The following SULT6B1 variants were observed in gnomAD, a reference collection of about 807,000 sequenced individuals.
SULT6B1 encodes sulfotransferase 6B1.
SULT6B1 carries 44 observed loss-of-function variants against 37.2 expected under a neutral mutation model. That is an observed-to-expected ratio of 1.18 (90% CI 0.93 to 1.52). The LOEUF (loss-of-function observed/expected upper bound fraction) is 1.52, where lower values mean the gene tolerates loss of function less well. SULT6B1 is among the 40% of genes most tolerant of loss of function. SULT6B1 has a pLI of 0.00. For missense variants in SULT6B1, 450 were observed against 361.0 expected (o/e 1.25, Z -2.00); for synonymous variants, 140 against 126.0 (o/e 1.11, Z -0.74).
At chr2:37,192,325 G>A (rs1479001165), upstream of SULT6B1, among the ~76,000 whole-genome samples, 1 of 152,186 alleles carries the variant, frequency 6.6e-6, no homozygotes, top group Non-Finnish European at 1.5e-5. Flanking sequence ...GTGGATGTGT[G>A]TCAGTACTTT....
In SULT6B1 at chr2:37,179,557, C is replaced by G. The variant is rs746292189; in HGVS notation, c.430G>C (p.Asp144His). The G allele has an allele frequency of 6.2e-6, 10 of 1,612,834 alleles. No individual in the cohort carries two copies. Among genetic ancestry groups the G allele is most frequent in the Non-Finnish European group, 8.5e-6 (10 of 1,179,802 alleles). The change falls in exon 4 of 7, where the codon GAT becomes CAT. Residue 144 changes from aspartate to histidine, a missense_variant. Asp to His is a moderately conservative substitution (Grantham distance 81, BLOSUM62 -1). Transcript: ENST00000535679. Reference protein sequence around the residue: ...KILVIFRNPKDTAVSFLHFHN... With the variant: ...KILVIFRNPKHTAVSFLHFHN... ...AAATGCAAAAAAGATACTGCTGTAT[C>G]TTTAGGGTTTCGAAATATCACCAAT...
upstream of SULT6B1, among the ~76,000 whole-genome samples, chr2:37,192,920 C>G (rs1254802015): frequency 1.3e-5 from 2 of 152,148 alleles, no homozygotes. Context: ...TCTGAGTTGT[C>G]TGGCAAGCAT....
intron 5 of SULT6B1, among the ~76,000 whole-genome samples, chr2:37,173,645 C>A (rs759630631): frequency 3.3e-5 from 5 of 152,192 alleles, no homozygotes; most frequent in Non-Finnish European, 7.3e-5. Flanking sequence ...ATTGGCCAGG[C>A]CAATAATATT....
chr2:37,193,888 A>G (rs778017036), intron 1 of SULT6B1, among the ~76,000 whole-genome samples: 3 of 152,202 alleles, frequency 2.0e-5, no homozygotes, highest in African/African-American at 4.8e-5. Context: ...TAGGACCAGG[A>G]AGGCACTGTC....
intron 1 of SULT6B1, 85 bp from the exon 2 acceptor site, chr2:37,187,552 A>G (rs1676701648): frequency 1.4e-6 from 1 of 739,636 alleles, no homozygotes; most frequent in African/African-American, 1.8e-5. Context: ...CATGATAAAA[A>G]TTAAAATCTA....
chr2:37,183,336 T>A (rs1308181693), intron 3 of SULT6B1, 89 bp downstream of exon 3: 1 of 1,005,506 alleles, frequency 9.9e-7, no homozygotes, highest in East Asian at 2.4e-5. Context: ...TAAGCTTCTA[T>A]GAGAAGGAAC....
chr2:37,189,576 C>T (rs1233281535), upstream of SULT6B1, among the ~76,000 whole-genome samples: 1 of 152,174 alleles, frequency 6.6e-6, no homozygotes, highest in Non-Finnish European at 1.5e-5. Context: ...CTCCTTACCC[C>T]AGGGAAGTAA....
At chr2:37,185,624 A>G (rs572764135) in intron 2 of SULT6B1, among the ~76,000 whole-genome samples, 2 of 149,126 alleles carry the variant, frequency 1.3e-5, no homozygotes, top group African/African-American at 5.0e-5. Flanking sequence ...AGGCTGAGGC[A>G]GGAGAATTGC....
At position 37,176,355 on chromosome 2, in the gene SULT6B1, C is replaced by T. The variant is rs569310173; in HGVS notation, c.530-1129G>A. On this transcript the variant is annotated intron_variant, in intron 4 of 6. Coordinates refer to ENST00000535679, the MANE Select transcript of SULT6B1 (RefSeq NM_001367551.1). ...TCAGCTCACTGCAACCTCTGCCTCC[C>T]GGTTTCAAGCAATTCTGTCTCAGTC... 1.7e-4 allele frequency among the ~76,000 whole-genome samples: 26 copies of T among 151,072 alleles called. No homozygotes were observed. The South Asian group carries it at 4.2e-3, about 24-fold the overall frequency.
At position 37,171,565 on chromosome 2, in the gene SULT6B1, A is replaced by G. The variant is rs1353061733; in HGVS notation, c.650T>C (p.Ile217Thr). The change falls in exon 6 of 7, where the codon ATT becomes ACT. Residue 217 changes from isoleucine (I) to threonine (T), a missense_variant. Physicochemically the swap from Ile to Thr is moderately conservative, Grantham distance 89 (BLOSUM62 -1). Coordinates refer to ENST00000535679, the MANE Select transcript of SULT6B1 (RefSeq NM_001367551.1). Reference protein sequence around the residue: ...KENLAAGIKQIAEFLGFFLTG... With the variant: ...KENLAAGIKQTAEFLGFFLTG... The stretch of plus-strand genomic sequence containing the variant: ...TAGAAAGAATCCCAAGAACTCAGCA[A>G]TCTGTTTTATTCCAGCAGCCAGATT... The G allele has an allele frequency of 2.5e-6, 4 of 1,613,900 alleles. No homozygotes were observed. The highest frequency in any genetic ancestry group is 1.1e-5 in the South Asian group (1 of 90,946).
At chr2:37,169,709 G>T (rs187436507) in intron 6 of SULT6B1, among the ~76,000 whole-genome samples, 1 of 152,238 alleles carries the variant, frequency 6.6e-6, no homozygotes, top group South Asian at 2.1e-4. Flanking sequence ...TCGCCAGGCT[G>T]GTCTTGAACT....
chr2:37,193,615 G>GAAGAAGAAA (rs1676830096), upstream of SULT6B1, among the ~76,000 whole-genome samples: 2 of 148,420 alleles, frequency 1.3e-5, no homozygotes, highest in Non-Finnish European at 3.0e-5. Flanking sequence ...AGAAGAAGAA[G>GAAGAAGAAA]AAGAAGAAGA....
upstream of SULT6B1, among the ~76,000 whole-genome samples, chr2:37,190,983 G>A (rs1000730132): frequency 6.6e-6 from 1 of 152,050 alleles, no homozygotes; most frequent in African/African-American, 2.4e-5. Flanking sequence ...ATTGCCAGGG[G>A]AGAAGGTCTA....
chr2:37,179,063 A>G (rs1421743540), intron 4 of SULT6B1, among the ~76,000 whole-genome samples: 1 of 152,084 alleles, frequency 6.6e-6, no homozygotes, highest in Non-Finnish European at 1.5e-5. Context: ...GGTATAAGCA[A>G]TTTTCCTGCT....
chr2:37,193,328 G>A (rs537362774), upstream of SULT6B1, among the ~76,000 whole-genome samples: 13 of 150,960 alleles, frequency 8.6e-5, no homozygotes, highest in South Asian at 2.1e-4. Flanking sequence ...CAGGTGTGGC[G>A]GTGCGTGCCT....
At chr2:37,183,575 G>A in intron 2 of SULT6B1, 61 bp from the exon 3 acceptor site, 3 of 1,248,782 alleles carry the variant, frequency 2.4e-6, no homozygotes, top group South Asian at 1.2e-5. Flanking sequence ...TGTGTGTGTT[G>A]AATCACTCCT....
At chr2:37,176,101 G>A (rs115498089) in intron 4 of SULT6B1, among the ~76,000 whole-genome samples, 3,621 of 152,184 alleles carry the variant, frequency 0.024, 63 homozygotes, top group Middle Eastern at 0.058. Flanking sequence ...GCAGACACTG[G>A]TCAGCTGTGC....
chr2:37,172,205 C>T (rs1290882281), intron 5 of SULT6B1, among the ~76,000 whole-genome samples: 1 of 152,048 alleles, frequency 6.6e-6, no homozygotes, highest in Non-Finnish European at 1.5e-5. Flanking sequence ...TGTGTGCCAC[C>T]ACATCTGGCT....
At chr2:37,171,986 A>G (rs1229913859) in intron 5 of SULT6B1, among the ~76,000 whole-genome samples, 2 of 152,124 alleles carry the variant, frequency 1.3e-5, no homozygotes, top group African/African-American at 4.8e-5. Flanking sequence ...TCTGAATTCT[A>G]TTTATAGCTA....
Sources: gnomAD v4.1 joint callset for allele counts (sites outside exome capture counted in the v4.1 genomes callset) on GRCh38, gnomAD v4.1.1 for gene constraint, MANE v1.5 for transcripts, NCBI Gene and HGNC (gene_info 2026-07-23, HGNC 2026-07-21) for gene names.